Variants in BABAM2 observed in about 807,000 individuals in gnomAD.
BABAM2 encodes BRISC and BRCA1-A complex member 2.
BABAM2 carries 31 observed loss-of-function variants against 54.7 expected under a neutral mutation model. The observed-to-expected ratio is 0.57, with a 90% CI of 0.43 to 0.77. The LOEUF (loss-of-function observed/expected upper bound fraction) is 0.77, where lower values mean the gene tolerates loss of function less well. Ranked by LOEUF, BABAM2 falls within the 30% of genes least tolerant of loss-of-function variation. BABAM2 has a pLI of 0.00. For missense variants in BABAM2, 364 were observed against 455.8 expected, an observed-to-expected ratio of 0.80 and a Z score of 1.83; for synonymous variants, 167 against 162.9, an observed-to-expected ratio of 1.03 and a Z score of -0.19.
intron 10 of BABAM2, among the ~76,000 whole-genome samples, chr2:28,250,584 C>CTTTTTTTTTTTTTTTTTTTTTTTT (rs34597279): frequency 5.8e-5 from 8 of 137,016 alleles, no homozygotes; most frequent in Admixed American, 1.5e-4. Flanking sequence ...ATATTTTTTT[C>CTTTTTTTTTTTTTTTTTTTTTTTT]TTTTTTTTTT....
intron 7 of BABAM2, among the ~76,000 whole-genome samples, chr2:28,184,285 T>TCTCTCTCTCTCC (rs140329617): frequency 2.0e-5 from 2 of 102,148 alleles, no homozygotes; most frequent in Non-Finnish European, 3.9e-5. Flanking sequence ...TCTCTCTCTC[T>TCTCTCTCTCTCC]CCCCCCCTCC....
intron 3 of BABAM2, among the ~76,000 whole-genome samples, chr2:27,957,607 G>A (rs999838008): frequency 6.6e-6 from 1 of 152,228 alleles, no homozygotes; most frequent in Non-Finnish European, 1.5e-5. Flanking sequence ...AAAGAATTCG[G>A]TAGAGCATGA....
chr2:28,040,832 A>G (rs1396202029), intron 5 of BABAM2, among the ~76,000 whole-genome samples: 3 of 152,198 alleles, frequency 2.0e-5, no homozygotes, highest in African/African-American at 7.2e-5. Flanking sequence ...AATTTATATT[A>G]GTCCTGGGAC....
At chr2:28,164,535 TA>T (rs143968314) in intron 7 of BABAM2, among the ~76,000 whole-genome samples, 2 of 147,888 alleles carry the variant, frequency 1.4e-5, no homozygotes, top group East Asian at 1.9e-4. Context: ...TCCAATGCAT[TA>T]AAAAAAAAAC....
At position 28,205,467 on chromosome 2, in the gene BABAM2, C is replaced by T. The variant is rs578028489; in HGVS notation, c.681-31735C>T. ...ACAGTGAGCTGAGATTGTGCCACTG[C>T]GCTCCAGCCTGGCGACAGAGCAAGA... On this transcript the variant is annotated intron_variant, in intron 7 of 11. Coordinates refer to ENST00000379624, the MANE Select transcript of BABAM2 (RefSeq NM_199191.3). Among the ~76,000 whole-genome samples, 42 of 152,098 alleles carry T rather than the reference C, an allele frequency of 2.8e-4. No individual in the cohort carries two copies. In the South Asian group the frequency reaches 4.2e-3, roughly 15 times the overall value.
intron 7 of BABAM2, among the ~76,000 whole-genome samples, chr2:28,227,255 A>G (rs528794988): frequency 2.4e-4 from 37 of 152,082 alleles, no homozygotes; most frequent in African/African-American, 8.9e-4. Context: ...ATCAGGATCT[A>G]TCCCTGTTCT....
intron 7 of BABAM2, among the ~76,000 whole-genome samples, chr2:28,201,932 A>T (rs1487651302): frequency 1.2e-4 from 1 of 8,288 alleles, no homozygotes; most frequent in Non-Finnish European, 0.01. Flanking sequence ...CAGTACAGAT[A>T]CAGAACCGGT....
chr2:28,332,884 GC>G (rs942429935), intron 11 of BABAM2, among the ~76,000 whole-genome samples: 11 of 152,306 alleles, frequency 7.2e-5, no homozygotes, highest in South Asian at 4.1e-4. Context: ...CATGACTTTG[GC>G]TGAGTATCCA....
chr2:28,176,257 T>C (rs1187009627), intron 7 of BABAM2, among the ~76,000 whole-genome samples: 1 of 151,492 alleles, frequency 6.6e-6, no homozygotes, highest in African/African-American at 2.4e-5. Context: ...GCCAGAAAAA[T>C]ATAAAAGTAA....
At chr2:28,031,632 C>A (rs1676296930) in intron 5 of BABAM2, among the ~76,000 whole-genome samples, 1 of 152,120 alleles carries the variant, frequency 6.6e-6, no homozygotes, top group Non-Finnish European at 1.5e-5. Flanking sequence ...AAGGTTTAAT[C>A]TGTATCTCTA....
In BABAM2 at chr2:28,002,226, G is replaced by C. The variant is rs182599471; in HGVS notation, c.300+14139G>C. ...CTTAGGCTCTTCCTAGTATCTCCTAGTACTTCTAGGTGAACATCACAACAC... is the reference window on the plus strand; with the variant it reads ...CTTAGGCTCTTCCTAGTATCTCCTACTACTTCTAGGTGAACATCACAACAC... On this transcript the variant is annotated intron_variant, in intron 4 of 11. Coordinates refer to ENST00000379624, the MANE Select transcript of BABAM2 (RefSeq NM_199191.3). Among the ~76,000 whole-genome samples the C allele has an allele frequency of 7.2e-5, 11 of 152,234 alleles. No homozygotes were observed. In the East Asian group the frequency reaches 1.9e-3, roughly 27 times the overall value.
intron 7 of BABAM2, among the ~76,000 whole-genome samples, chr2:28,195,429 T>G (rs1279726287): frequency 6.6e-6 from 1 of 152,222 alleles, no homozygotes; most frequent in Admixed American, 6.5e-5. Flanking sequence ...TGTCTTTTTG[T>G]TTTGACATTC....
At chr2:27,993,748 A>G (rs1242211559) in intron 4 of BABAM2, among the ~76,000 whole-genome samples, 1 of 152,134 alleles carries the variant, frequency 6.6e-6, no homozygotes, top group Non-Finnish European at 1.5e-5. Flanking sequence ...ATGCTACTGC[A>G]GGTATTGGTC....
At chr2:28,160,326 A>G (rs113476329) in intron 7 of BABAM2, among the ~76,000 whole-genome samples, 1 of 152,118 alleles carries the variant, frequency 6.6e-6, no homozygotes, top group African/African-American at 2.4e-5. Context: ...CCGTGCATGG[A>G]GCTTAGTGTA....
At chr2:28,003,077 A>G (rs1231087456) in intron 4 of BABAM2, among the ~76,000 whole-genome samples, 1 of 152,212 alleles carries the variant, frequency 6.6e-6, no homozygotes, top group Non-Finnish European at 1.5e-5. Context: ...TATGTTCCCA[A>G]TATACTTCAT....
intron 6 of BABAM2, among the ~76,000 whole-genome samples, chr2:28,047,619 T>C (rs974854205): frequency 6.6e-6 from 1 of 152,254 alleles, no homozygotes; most frequent in Admixed American, 6.5e-5. Context: ...TTAAGAATTC[T>C]AACTTTATAT....
At chr2:27,986,278 C>G (rs769995130) in intron 3 of BABAM2, among the ~76,000 whole-genome samples, 2 of 151,804 alleles carry the variant, frequency 1.3e-5, no homozygotes, top group Admixed American at 6.6e-5. Flanking sequence ...TGGAGGGCAG[C>G]TAGTATTAGG....
At chr2:28,123,411 C>T (rs1454629314) in intron 6 of BABAM2, among the ~76,000 whole-genome samples, 2 of 152,178 alleles carry the variant, frequency 1.3e-5, no homozygotes, top group African/African-American at 2.4e-5. Context: ...TATCTTTCCT[C>T]CCATTTTAGC....
chr2:27,942,792 A>ATTTATTTG (rs1471074530), intron 3 of BABAM2, among the ~76,000 whole-genome samples: 1 of 2,718 alleles, frequency 3.7e-4, no homozygotes, highest in African/African-American at 1.5e-3. Flanking sequence ...TTCTTAAAAA[A>ATTTATTTG]TTTATTTATT....
Sources: allele counts gnomAD v4.1 joint callset (sites outside exome capture counted in the v4.1 genomes callset), GRCh38; gene constraint gnomAD v4.1.1; transcripts MANE v1.5; gene names NCBI Gene and HGNC (gene_info 2026-07-23, HGNC 2026-07-21).